The following PTPRA variants were observed in gnomAD, a reference collection of about 807,000 sequenced individuals.
PTPRA encodes the protein receptor-type tyrosine-protein phosphatase alpha.
PTPRA carries 25 observed loss-of-function variants against 104.8 expected under a neutral mutation model. The observed-to-expected ratio is 0.24, with a 90% CI of 0.17 to 0.33. The LOEUF (loss-of-function observed/expected upper bound fraction) is 0.33. Ranked by LOEUF, PTPRA falls within the 10% of genes least tolerant of loss-of-function variation. The pLI, the probability that PTPRA is intolerant of heterozygous loss-of-function variation, is 1.00. For synonymous variants in PTPRA, 323 were observed against 368.9 expected (o/e 0.88, Z 1.43); for missense variants, 765 against 1,015.3 (o/e 0.75, Z 3.35).
chr20:2,922,285 A>G (rs1040489543), intron 1 of PTPRA, among the ~76,000 whole-genome samples: 1 of 152,150 alleles, frequency 6.6e-6, no homozygotes, highest in Non-Finnish European at 1.5e-5. Context: ...TCTTGTTAGG[A>G]TATACTCCAC....
chr20:2,890,242 A>G (rs980960807), intron 1 of PTPRA, among the ~76,000 whole-genome samples: 1 of 151,660 alleles, frequency 6.6e-6, no homozygotes, highest in Admixed American at 6.6e-5. Flanking sequence ...TTTCCTGGTC[A>G]AATTGGATTT....
intron 17 of PTPRA, among the ~76,000 whole-genome samples, chr20:3,025,114 A>G (rs918875151): frequency 1.3e-5 from 2 of 152,162 alleles, no homozygotes; most frequent in African/African-American, 4.8e-5. Context: ...CCACTAGACA[A>G]TGGTTCTCAA....
chr20:2,905,591 G>A (rs1378335560), intron 1 of PTPRA, among the ~76,000 whole-genome samples: 1 of 151,644 alleles, frequency 6.6e-6, no homozygotes, highest in Admixed American at 6.6e-5. Context: ...GAACAAATTG[G>A]ATAAATACAA....
intron 9 of PTPRA, among the ~76,000 whole-genome samples, chr20:2,993,030 G>A (rs2063250784): frequency 6.6e-6 from 1 of 152,222 alleles, no homozygotes; most frequent in Non-Finnish European, 1.5e-5. Flanking sequence ...GCTGCAGTGA[G>A]CTGTGATTGC....
chr20:2,974,120 T>C (rs1359111953), intron 5 of PTPRA, among the ~76,000 whole-genome samples: 1 of 151,166 alleles, frequency 6.6e-6, no homozygotes, highest in East Asian at 2.0e-4. Flanking sequence ...CTGGCTAATT[T>C]TTTTTTTGTA....
chr20:3,023,498 G>A lies in PTPRA; in HGVS notation c.1464+674G>A, dbSNP rs559682036. ...AGAAAACCGCCTTATGGCTGGAGGTGAGATATGCTGGCGGCAATACTGCTC... is the reference window on the plus strand; with the variant it reads ...AGAAAACCGCCTTATGGCTGGAGGTAAGATATGCTGGCGGCAATACTGCTC... On this transcript the variant is annotated intron_variant, in intron 16 of 23. Coordinates refer to ENST00000399903, the MANE Select transcript of PTPRA (RefSeq NM_001385305.1). 7.9e-5 allele frequency among the ~76,000 whole-genome samples: 12 copies of A among 152,356 alleles called. No homozygotes were observed. The East Asian group carries it at 2.3e-3, about 29-fold the overall frequency.
intron 3 of PTPRA, among the ~76,000 whole-genome samples, chr20:2,949,546 G>T (rs918133186): frequency 6.6e-6 from 1 of 151,926 alleles, no homozygotes; most frequent in Non-Finnish European, 1.5e-5. Context: ...TCCCATCTCA[G>T]CCTCCCAAAG....
At chr20:2,869,750 G>A (rs2089405344), upstream of PTPRA, among the ~76,000 whole-genome samples, 2 of 152,156 alleles carry the variant, frequency 1.3e-5, no homozygotes, top group African/African-American at 4.8e-5. Flanking sequence ...TGGATCACCT[G>A]GGGTCAGGAG....
chr20:3,015,988 C>T, intron 12 of PTPRA, 103 bp downstream of exon 12: 1 of 1,108,724 alleles, frequency 9.0e-7, no homozygotes, highest in Non-Finnish European at 1.3e-6. Flanking sequence ...AATGCTGTAG[C>T]TTTTCTGTAC....
At chr20:2,899,587 T>C (rs987923228) in intron 1 of PTPRA, among the ~76,000 whole-genome samples, 1 of 152,156 alleles carries the variant, frequency 6.6e-6, no homozygotes, top group Non-Finnish European at 1.5e-5. Flanking sequence ...ACAGAGATGG[T>C]ATGAATGTAA....
Position 2,988,414 on chromosome 20 carries a change from G to A in PTPRA, c.678G>A (p.Leu226=), listed in dbSNP as rs776502216. The A allele has an allele frequency of 6.2e-7, 1 of 1,612,990 alleles. No individual in the cohort carries two copies. Among genetic ancestry groups the A allele is most frequent in the Middle Eastern group, 1.6e-4 (1 of 6,076 alleles). ...ACCCACCCCTGCCCGTGGACAAGCT[G>A]GAAGAGGAAATTAACCGGAGAATGG... ...RKYPPLPVDK[L]EEEINRRMAD... Residue 226 remains leucine (L), a synonymous_variant, in exon 9 of 24, where the codon CTG becomes CTA. Transcript: ENST00000399903.
chr20:3,020,139 C>T (rs983175821), intron 13 of PTPRA, among the ~76,000 whole-genome samples: 42 of 152,210 alleles, frequency 2.8e-4, no homozygotes, highest in African/African-American at 7.2e-4. Flanking sequence ...GACGGAGTCT[C>T]GCTCTGTCGC....
intron 10 of PTPRA, among the ~76,000 whole-genome samples, chr20:3,006,763 G>A (rs2063892708): frequency 6.6e-6 from 1 of 152,152 alleles, no homozygotes. Context: ...AAGTAGCTGG[G>A]ACTACCTATA....
chr20:2,892,683 G>A (rs1250615746), intron 1 of PTPRA, among the ~76,000 whole-genome samples: 6 of 152,128 alleles, frequency 3.9e-5, no homozygotes, highest in Admixed American at 6.5e-5. Flanking sequence ...TATGGCATTC[G>A]GTAGGTAAAG....
intron 2 of PTPRA, among the ~76,000 whole-genome samples, chr20:2,945,718 C>T (rs1171518963): frequency 6.6e-6 from 1 of 151,832 alleles, no homozygotes. Context: ...CACTTGAGGT[C>T]AGGAGTTTGA....
intron 1 of PTPRA, among the ~76,000 whole-genome samples, chr20:2,912,773 A>C (rs1267144582): frequency 6.6e-6 from 1 of 152,230 alleles, no homozygotes; most frequent in Non-Finnish European, 1.5e-5. Flanking sequence ...TATTTAGAAC[A>C]TTTCCAACAT....
At chr20:3,023,300 T>C (rs553698678) in intron 16 of PTPRA, among the ~76,000 whole-genome samples, 2 of 152,284 alleles carry the variant, frequency 1.3e-5, no homozygotes, top group South Asian at 2.1e-4. Flanking sequence ...CCCACTGAGA[T>C]AGCCTGAGAT....
In PTPRA at chr20:2,950,594, G is replaced by T. The variant is rs2061321816; in HGVS notation, c.-7+2570G>T. On this transcript the variant is annotated intron_variant, in intron 3 of 23. Coordinates refer to ENST00000399903, the MANE Select transcript of PTPRA (RefSeq NM_001385305.1). This position sits in a 1 kb window ranked among gnomAD's most constrained non-coding sequence, Gnocchi z 4.0. ...GGAGGCGGAGGTTGCAGTGAGCCGA[G>T]ATCGCACCACTGCACTCCAGCCTGG... 6.6e-6 allele frequency among the ~76,000 whole-genome samples: 1 copy of T among 151,108 alleles called. No homozygotes were observed. The highest frequency in any genetic ancestry group is 1.5e-5 in the Non-Finnish European group (1 of 67,888).
intron 1 of PTPRA, among the ~76,000 whole-genome samples, chr20:2,914,163 C>T (rs1418469048): frequency 3.3e-5 from 5 of 152,126 alleles, no homozygotes; most frequent in Admixed American, 6.5e-5. Flanking sequence ...TTGACATTGT[C>T]CTATCATTCT....
Sources: allele counts gnomAD v4.1 joint callset (sites outside exome capture counted in the v4.1 genomes callset), GRCh38; gene constraint gnomAD v4.1.1; non-coding constraint Gnocchi (gnomAD v3.1); transcripts MANE v1.5; gene names NCBI Gene and HGNC (gene_info 2026-07-23, HGNC 2026-07-21).